The following MFF variants were observed in gnomAD, a reference collection of about 807,000 sequenced individuals.
The protein encoded by MFF is chromosome 2 open reading frame 33.
Under a neutral mutation model 36.9 loss-of-function variants are expected in MFF, and 12 were observed. The ratio of observed to expected loss-of-function variants is 0.33; its 90% confidence interval spans 0.21 to 0.53. The LOEUF (loss-of-function observed/expected upper bound fraction) is 0.53, where lower values mean the gene tolerates loss of function less well. Ranked by LOEUF, MFF falls within the 20% of genes least tolerant of loss-of-function variation. The probability of loss-of-function intolerance (pLI) is 0.95; values close to 1 mark genes in which losing one functional copy is unlikely to be tolerated. For missense variants in MFF, 348 were observed against 366.6 expected (o/e 0.95, Z 0.42); for synonymous variants, 99 against 126.2 (o/e 0.78, Z 1.44).
At chr2:227,325,826 T>G (rs2074063519) in intron 1 of MFF, among the ~76,000 whole-genome samples, 1 of 152,232 alleles carries the variant, frequency 6.6e-6, no homozygotes, top group African/African-American at 2.4e-5. Context: ...GCCAAGGCCC[T>G]GACACCTTAC....
At chr2:227,345,584 C>A (rs1297628397) in intron 5 of MFF, among the ~76,000 whole-genome samples, 1 of 152,194 alleles carries the variant, frequency 6.6e-6, no homozygotes, top group African/African-American at 2.4e-5. Flanking sequence ...TTAATTCTCA[C>A]AAGCAGTAAG....
chr2:227,343,161 G>C (rs1211785035), intron 5 of MFF, among the ~76,000 whole-genome samples: 2 of 149,584 alleles, frequency 1.3e-5, no homozygotes, highest in African/African-American at 2.5e-5. Context: ...CTGGTGCAGT[G>C]ATCCCAATTT....
intron 5 of MFF, chr2:227,342,675 A>G (rs148986019): frequency 7.7e-7 from 1 of 1,299,186 alleles, no homozygotes; most frequent in African/African-American, 1.5e-5. Context: ...CTAAACAGTA[A>G]AATCAGATCT....
At chr2:227,327,779 C>A (rs1048309240) in intron 1 of MFF, among the ~76,000 whole-genome samples, 4 of 152,140 alleles carry the variant, frequency 2.6e-5, no homozygotes, top group African/African-American at 7.2e-5. Context: ...ACTTGGTTCT[C>A]GTTTATTATT....
chr2:227,338,857 C>G (rs1014376662), intron 4 of MFF, among the ~76,000 whole-genome samples: 1 of 150,846 alleles, frequency 6.6e-6, no homozygotes, highest in Non-Finnish European at 1.5e-5. Flanking sequence ...AAAAAAAAAC[C>G]ATAATGTTGC....
intron 4 of MFF, among the ~76,000 whole-genome samples, chr2:227,336,532 G>A (rs1371597291): frequency 1.3e-5 from 2 of 152,214 alleles, no homozygotes; most frequent in Non-Finnish European, 1.5e-5. Context: ...GAGGAGAAGA[G>A]TAAAGGCATT....
At chr2:227,349,049 A>C (rs537333009) in intron 6 of MFF, among the ~76,000 whole-genome samples, 8 of 152,302 alleles carry the variant, frequency 5.3e-5, no homozygotes, top group African/African-American at 1.9e-4. Flanking sequence ...ATTAGGTGCG[A>C]GTATATCATA....
In MFF at chr2:227,355,669, A is replaced by G. The variant is rs767143969; in HGVS notation, c.660-8A>G. ...CTATTCATTTGTATTTCTATCTCTT[A>G]TCTGCAGGTATGGCATTTCAAATAT... On this transcript the variant is annotated splice_polypyrimidine_tract_variant and splice_region_variant and intron_variant, in intron 7 of 8. Coordinates refer to ENST00000304593, the MANE Select transcript of MFF (RefSeq NM_001277062.2). 12 of 1,561,288 alleles carry G rather than the reference A, an allele frequency of 7.7e-6. No individual in the cohort carries two copies. The highest frequency in any genetic ancestry group is 1.3e-5 in the African/African-American group (1 of 74,154).
intron 5 of MFF, among the ~76,000 whole-genome samples, chr2:227,340,977 A>G (rs75909021): frequency 8.8e-6 from 1 of 113,274 alleles, no homozygotes; most frequent in Admixed American, 1.1e-4. Context: ...GTGGCTTTTT[A>G]AATATAAATT....
chr2:227,331,963 T>A (rs78773846), intron 3 of MFF, among the ~76,000 whole-genome samples: 1,771 of 80,710 alleles, frequency 0.022, 267 homozygotes, highest in African/African-American at 0.11. Context: ...GGAAGCATTT[T>A]TTTTTTTTTT....
Position 227,330,691 on chromosome 2 carries a change from A to G in MFF, c.26A>G (p.Tyr9Cys), listed in dbSNP as rs200132653. ...ATGGCAGAAATTAGTCGAATTCAGTACGAAATGGAATATACTGAAGGCATT... is the reference window on the plus strand; with the variant it reads ...ATGGCAGAAATTAGTCGAATTCAGTGCGAAATGGAATATACTGAAGGCATT... Reference protein sequence around the residue: MAEISRIQYEMEYTEGISQ... With the variant: MAEISRIQCEMEYTEGISQ... Residue 9 changes from tyrosine (Y) to cysteine (C), a missense_variant, in exon 3 of 9, where the codon TAC becomes TGC. Tyr to Cys is a radical substitution (Grantham distance 194). Coordinates refer to ENST00000304593, the MANE Select transcript of MFF (RefSeq NM_001277062.2). 2.5e-4 allele frequency: 400 copies of G among 1,614,174 alleles called. No homozygotes were observed. The highest frequency in any genetic ancestry group is 3.2e-4 in the Non-Finnish European group (383 of 1,180,012).
chr2:227,328,014 C>G (rs1416844086), intron 1 of MFF, among the ~76,000 whole-genome samples: 1 of 152,170 alleles, frequency 6.6e-6, no homozygotes, highest in African/African-American at 2.4e-5. Context: ...CTCTGTATAG[C>G]TTGCGTACTT....
chr2:227,331,226 A>G (rs761657540), intron 3 of MFF, among the ~76,000 whole-genome samples: 5 of 152,178 alleles, frequency 3.3e-5, no homozygotes, highest in Non-Finnish European at 7.4e-5. Context: ...TCTCCTTTCT[A>G]TAGCCAGAGA....
intron 1 of MFF, among the ~76,000 whole-genome samples, chr2:227,326,006 C>A (rs1360907162): frequency 6.6e-6 from 1 of 152,156 alleles, no homozygotes; most frequent in Non-Finnish European, 1.5e-5. Flanking sequence ...TGGCTGCAGG[C>A]AGTTGCTCTC....
In MFF at chr2:227,344,925, T is replaced by G. The variant is rs145974399; in HGVS notation, c.441-2301T>G. Among the ~76,000 whole-genome samples the G allele has an allele frequency of 3.3e-5, 5 of 152,320 alleles. No homozygotes were observed. In the East Asian group the frequency reaches 9.6e-4, roughly 29 times the overall value. Reference sequence around the variant, plus strand: ...TATTGATAAAAACTTAATTTCATCTTTTATCTTTCTACATAAGTATTTTTC... The same window carrying G: ...TATTGATAAAAACTTAATTTCATCTGTTATCTTTCTACATAAGTATTTTTC... On this transcript the variant is annotated intron_variant, in intron 5 of 8. Transcript: ENST00000304593.
chr2:227,329,861 A>G, intron 2 of MFF: 2 of 910,554 alleles, frequency 2.2e-6, no homozygotes, highest in Non-Finnish European at 3.5e-6. Context: ...GCCGTAGGCT[A>G]ACCATGCTCT....
intron 3 of MFF, among the ~76,000 whole-genome samples, chr2:227,331,958 C>CTT (rs1553772283): frequency 3.0e-5 from 1 of 33,548 alleles, no homozygotes; most frequent in Non-Finnish European, 7.5e-5. Flanking sequence ...ACGCTGGAAG[C>CTT]ATTTTTTTTT....
At chr2:227,342,518 A>G (rs2075451943) in intron 5 of MFF, among the ~76,000 whole-genome samples, 1 of 152,144 alleles carries the variant, frequency 6.6e-6, no homozygotes, top group Non-Finnish European at 1.5e-5. Flanking sequence ...AGTGCATGAA[A>G]CTTTGCCTGT....
At chr2:227,352,677 T>C in intron 7 of MFF, 104 bp downstream of exon 7, 1 of 935,638 alleles carries the variant, frequency 1.1e-6, no homozygotes, top group South Asian at 1.3e-5. Flanking sequence ...GTAGCTGAAC[T>C]TGTTTCTACA....
Sources: allele counts gnomAD v4.1 joint callset (sites outside exome capture counted in the v4.1 genomes callset), GRCh38; gene constraint gnomAD v4.1.1; transcripts MANE v1.5; gene names NCBI Gene and HGNC (gene_info 2026-07-23, HGNC 2026-07-21).